SDK1: variants seen among roughly 807,000 people sequenced by gnomAD.
SDK1 encodes the protein protein sidekick-1.
Under a neutral mutation model 245.5 loss-of-function variants are expected in SDK1, and 157 were observed. That is an observed-to-expected ratio of 0.64 (90% CI 0.56 to 0.73). The LOEUF is 0.73. Among genes scored for constraint, SDK1 ranks in the 30% least tolerant of loss-of-function variants. The pLI, the probability that SDK1 is intolerant of heterozygous loss-of-function variation, is 0.00. For synonymous variants in SDK1, 1,647 were observed against 1,278.5 expected (o/e 1.29, Z -6.15); for missense variants, 3,583 against 3,002.3 (o/e 1.19, Z -4.52).
chr7:3,403,570 G>A (rs187033452), intron 1 of SDK1, among the ~76,000 whole-genome samples: 10 of 151,774 alleles, frequency 6.6e-5, no homozygotes, highest in African/African-American at 1.9e-4. Context: ...GCACCTATGA[G>A]AAAGATGACA....
chr7:3,456,063 C>T (rs1391667467), intron 1 of SDK1, among the ~76,000 whole-genome samples: 4 of 152,188 alleles, frequency 2.6e-5, no homozygotes, highest in African/African-American at 9.7e-5. Context: ...TGAAAACCTT[C>T]TGGTCTCCAT....
chr7:3,969,127 G>A, intron 10 of SDK1, 130 bp from the exon 11 acceptor site: 1 of 789,396 alleles, frequency 1.3e-6, no homozygotes. Context: ...CGTGGGGATT[G>A]CAATTCGAGA....
In SDK1 at chr7:3,552,016, A is replaced by T. The variant is rs1342285762; in HGVS notation, c.299-67064A>T. Among the ~76,000 whole-genome samples the T allele has an allele frequency of 1.3e-5, 2 of 152,002 alleles. 1 individual carries two copies. The highest frequency in any genetic ancestry group is 4.8e-5 in the African/African-American group (2 of 41,382). On this transcript the variant is annotated intron_variant, in intron 1 of 44. Coordinates refer to ENST00000404826, the MANE Select transcript of SDK1 (RefSeq NM_152744.4). ...TTGTAGTGTGATACAACTCCTAAAC[A>T]TGAAAGATTTTACTCTTCTTCTTCT...
At chr7:4,163,601 C>A (rs545241987) in intron 32 of SDK1, among the ~76,000 whole-genome samples, 1 of 152,118 alleles carries the variant, frequency 6.6e-6, no homozygotes, top group Non-Finnish European at 1.5e-5. Flanking sequence ...CTTTGCAGCA[C>A]GGAGGATGAG....
In SDK1 at chr7:4,246,405, G is replaced by A. The variant is rs192859552; in HGVS notation, c.6381+600G>A. ...CCCAGTGTGGACTCCTGCCTCGGAGGCCCATTCTCTCTCCATTTCACTTTC... is the reference window on the plus strand; with the variant it reads ...CCCAGTGTGGACTCCTGCCTCGGAGACCCATTCTCTCTCCATTTCACTTTC... On this transcript the variant is annotated intron_variant, in intron 44 of 44. Coordinates refer to ENST00000404826, the MANE Select transcript of SDK1 (RefSeq NM_152744.4). Among the ~76,000 whole-genome samples the A allele has an allele frequency of 9.9e-5, 15 of 152,204 alleles. 1 individual carries two copies. In the East Asian group the frequency reaches 2.7e-3, roughly 27 times the overall value.
At chr7:3,901,973 T>A (rs754463943) in intron 5 of SDK1, among the ~76,000 whole-genome samples, 14 of 152,218 alleles carry the variant, frequency 9.2e-5, no homozygotes, top group Admixed American at 2.0e-4. Context: ...TTTCCGGATG[T>A]TCTCCTCTGT....
chr7:3,607,086 T>C lies in SDK1; in HGVS notation c.299-11994T>C, dbSNP rs73673643. Among the ~76,000 whole-genome samples the C allele has an allele frequency of 9.8e-3, 1,487 of 152,210 alleles. 18 individuals carry two copies. Among genetic ancestry groups the C allele is most frequent in the African/African-American group, 0.027 (1,110 of 41,548 alleles). On this transcript the variant is annotated intron_variant, in intron 1 of 44. Transcript: ENST00000404826. Reference sequence around the variant, plus strand: ...CTCAATAGTGTAATGTCATAGAAAGTGAAGTGGTTTGTGAAGCCCCTAAAC... The same window carrying C: ...CTCAATAGTGTAATGTCATAGAAAGCGAAGTGGTTTGTGAAGCCCCTAAAC...
chr7:3,503,497 G>C (rs1281229349), intron 1 of SDK1, among the ~76,000 whole-genome samples: 1 of 152,104 alleles, frequency 6.6e-6, no homozygotes, highest in Non-Finnish European at 1.5e-5. Flanking sequence ...GGGCAATATA[G>C]TGAGAACCTT....
At chr7:4,108,238 T>C (rs746346896) in intron 22 of SDK1, among the ~76,000 whole-genome samples, 2 of 152,178 alleles carry the variant, frequency 1.3e-5, no homozygotes, top group Non-Finnish European at 2.9e-5. Context: ...TGATGGGGGA[T>C]AGGGAGGCCT....
At chr7:4,242,255 T>C (rs2128238369) in intron 43 of SDK1, among the ~76,000 whole-genome samples, 1 of 152,220 alleles carries the variant, frequency 6.6e-6, no homozygotes, top group South Asian at 2.1e-4. Flanking sequence ...CATGGAGGTG[T>C]CACCTGGGCT....
At chr7:3,401,312 A>G (rs1194583113) in intron 1 of SDK1, among the ~76,000 whole-genome samples, 1 of 152,204 alleles carries the variant, frequency 6.6e-6, no homozygotes, top group Non-Finnish European at 1.5e-5. Flanking sequence ...CAGAATGGAA[A>G]GGTAACTGAT....
intron 17 of SDK1, among the ~76,000 whole-genome samples, chr7:4,033,642 A>G (rs1052700566): frequency 6.6e-6 from 1 of 152,178 alleles, no homozygotes; most frequent in Non-Finnish European, 1.5e-5. Context: ...TAGAAGAAAA[A>G]TGGGCAAGCT....
intron 32 of SDK1, among the ~76,000 whole-genome samples, chr7:4,166,867 G>A (rs928596923): frequency 6.6e-6 from 1 of 152,186 alleles, no homozygotes; most frequent in African/African-American, 2.4e-5. Flanking sequence ...GAGAGAGCTG[G>A]GTGGGAGGTT....
chr7:3,620,889 G>A (rs927522028), intron 2 of SDK1, among the ~76,000 whole-genome samples: 2 of 112,082 alleles, frequency 1.8e-5, no homozygotes, highest in African/African-American at 6.8e-5. Context: ...GGCCTACCCT[G>A]TTGGAGGATC....
chr7:3,685,171 T>C (rs1784239508), intron 4 of SDK1, among the ~76,000 whole-genome samples: 1 of 151,008 alleles, frequency 6.6e-6, no homozygotes, highest in Non-Finnish European at 1.5e-5. Context: ...TGCAAATAAA[T>C]TTATACCAAG....
Position 3,552,808 on chromosome 7 carries a change from GC to G in SDK1, c.299-66269del, listed in dbSNP as rs1779458575. Among the ~76,000 whole-genome samples, 3 of 152,140 alleles carry G rather than the reference GC, an allele frequency of 2.0e-5. No individual in the cohort carries two copies. In the South Asian group the frequency reaches 6.2e-4, roughly 32 times the overall value. On this transcript the variant is annotated intron_variant, in intron 1 of 44. Coordinates refer to ENST00000404826, the MANE Select transcript of SDK1 (RefSeq NM_152744.4). Reference sequence around the variant, plus strand: ...AAAGCAGCAGCAGTTAAATGCTTTTGCCCAGTCATTTTACTCTGATGTTCAA... The same window carrying G: ...AAAGCAGCAGCAGTTAAATGCTTTTGCCAGTCATTTTACTCTGATGTTCAA...
In SDK1 at chr7:3,303,003, A is replaced by C. The variant is rs115803436; in HGVS notation, c.298+1119A>C. 8.5e-3 allele frequency among the ~76,000 whole-genome samples: 1,292 copies of C among 152,234 alleles called. 17 individuals carry two copies. Among genetic ancestry groups the C allele is most frequent in the African/African-American group, 0.029 (1,224 of 41,538 alleles). ...CAAAACTATCATCCAATAGCTTAAC[A>C]ACGAACTCATACTTTTTTTTATTGA... On this transcript the variant is annotated intron_variant, in intron 1 of 44. Coordinates refer to ENST00000404826, the MANE Select transcript of SDK1 (RefSeq NM_152744.4).
chr7:4,235,257 C>T (rs756274186), intron 41 of SDK1, among the ~76,000 whole-genome samples: 4 of 152,106 alleles, frequency 2.6e-5, no homozygotes, highest in Non-Finnish European at 5.9e-5. Context: ...CTCCGTCTCC[C>T]GGGTTCAAGG....
chr7:4,245,060 A>G (rs1321749376), intron 43 of SDK1, among the ~76,000 whole-genome samples: 1 of 152,192 alleles, frequency 6.6e-6, no homozygotes, highest in East Asian at 1.9e-4. Context: ...CCGAGTCTTC[A>G]GTCTGCCATG....
Sources: allele counts gnomAD v4.1 joint callset (sites outside exome capture counted in the v4.1 genomes callset), GRCh38; gene constraint gnomAD v4.1.1; transcripts MANE v1.5; gene names NCBI Gene and HGNC (gene_info 2026-07-23, HGNC 2026-07-21).